AFF1: variants seen among roughly 807,000 people sequenced by gnomAD.
AFF1 encodes AF4/FMR2 family member 1.
Under a neutral mutation model 121.7 loss-of-function variants are expected in AFF1, and 48 were observed. The ratio of observed to expected loss-of-function variants is 0.39; its 90% CI spans 0.31 to 0.50. AFF1 has a LOEUF of 0.50. Ranked by LOEUF, AFF1 falls within the 20% of genes least tolerant of loss-of-function variation. The pLI is 0.76. For synonymous variants in AFF1, 613 were observed against 563.0 expected, an observed-to-expected ratio of 1.09 and a Z score of -1.26; for missense variants, 1,523 against 1,511.7, an observed-to-expected ratio of 1.01 and a Z score of -0.12.
At chr4:87,043,342 A>T (rs1170183178) in intron 2 of AFF1, among the ~76,000 whole-genome samples, 2 of 152,172 alleles carry the variant, frequency 1.3e-5, no homozygotes, top group African/African-American at 4.8e-5. Flanking sequence ...AGGTGCATGC[A>T]CTGGATAGTT....
At chr4:87,032,226 C>T (rs756957755) in intron 2 of AFF1, among the ~76,000 whole-genome samples, 9 of 152,208 alleles carry the variant, frequency 5.9e-5, no homozygotes, top group Non-Finnish European at 1.2e-4. Context: ...TATTTAGAAA[C>T]ATGTAACTGT....
chr4:86,938,641 T>C (rs769626071), intron 1 of AFF1, among the ~76,000 whole-genome samples: 2 of 152,248 alleles, frequency 1.3e-5, no homozygotes, highest in African/African-American at 2.4e-5. Flanking sequence ...ATTTGGATCT[T>C]AGATTTTAAA....
In AFF1 at chr4:86,938,900, C is replaced by T. The variant is rs541833869; in HGVS notation, c.-37+3660C>T. ...GAAGGGAAGAAAATCAGCTGATTTT[C>T]TTAAATTATCTGGCCCATTTTAAAC... On this transcript the variant is annotated intron_variant, in intron 1 of 20. Transcript: ENST00000395146. Among the ~76,000 whole-genome samples the T allele has an allele frequency of 3.9e-5, 6 of 152,286 alleles. No individual in the cohort carries two copies. The South Asian group carries it at 1.0e-3, about 26-fold the overall frequency.
chr4:87,014,797 G>A (rs559423304), intron 2 of AFF1, among the ~76,000 whole-genome samples: 1 of 152,240 alleles, frequency 6.6e-6, no homozygotes, highest in South Asian at 2.1e-4. Context: ...TCCCATTCTG[G>A]TTACTTTAAA....
intron 12 of AFF1, among the ~76,000 whole-genome samples, chr4:87,123,480 T>C (rs775295218): frequency 3.9e-5 from 6 of 152,174 alleles, no homozygotes; most frequent in Non-Finnish European, 7.4e-5. Context: ...CTCCTGTATT[T>C]TCCCTTCTTA....
At chr4:87,074,389 CAT>C (rs1224637324) in intron 4 of AFF1, among the ~76,000 whole-genome samples, 1 of 152,074 alleles carries the variant, frequency 6.6e-6, no homozygotes, top group Non-Finnish European at 1.5e-5. Flanking sequence ...CATGGGGCCT[CAT>C]GTGGTCTTTC....
At chr4:87,061,963 A>C (rs1720832204) in intron 4 of AFF1, among the ~76,000 whole-genome samples, 1 of 152,200 alleles carries the variant, frequency 6.6e-6, no homozygotes, top group Non-Finnish European at 1.5e-5. Context: ...AAGTCTTTAA[A>C]TGTATGATTC....
At chr4:87,120,478 A>C (rs1727572300) in intron 12 of AFF1, among the ~76,000 whole-genome samples, 1 of 152,258 alleles carries the variant, frequency 6.6e-6, no homozygotes, top group African/African-American at 2.4e-5. Context: ...AAAAGGCACT[A>C]ACATGGCTTG....
Position 87,114,575 on chromosome 4 carries a change from CA to C in AFF1, c.1743del (p.Glu583LysfsTer70). 6.3e-7 allele frequency: 1 copy of C among 1,584,232 alleles called. No homozygotes were observed. Among genetic ancestry groups the C allele is most frequent in the Non-Finnish European group, 8.6e-7 (1 of 1,158,066 alleles). On this transcript the variant is annotated frameshift_variant, in exon 12 of 21. Transcript: ENST00000395146. LOFTEE classifies it high-confidence loss of function. ...PKSSSKAPRA[P>X]PEAPHPGKRS... ...AGCTCCAGCAAAGCCCCCCGGGCCC[CA>C]CCCGAAGCCCCCCACCCCGGAAAGA...
intron 2 of AFF1, among the ~76,000 whole-genome samples, chr4:87,038,489 G>A (rs1167983891): frequency 6.6e-6 from 1 of 152,182 alleles, no homozygotes; most frequent in East Asian, 1.9e-4. Context: ...TTAGATGGTA[G>A]GAATAGGGGA....
intron 2 of AFF1, among the ~76,000 whole-genome samples, chr4:87,035,327 C>T (rs572618880): frequency 6.6e-6 from 1 of 152,094 alleles, no homozygotes; most frequent in African/African-American, 2.4e-5. Context: ...TTTGGGAGGC[C>T]GAGGAGGGCA....
chr4:87,085,389 A>G (rs573845088), intron 5 of AFF1, among the ~76,000 whole-genome samples: 8 of 150,518 alleles, frequency 5.3e-5, no homozygotes, highest in African/African-American at 1.9e-4. Context: ...TTCTAGGTCA[A>G]TTTTAATGAT....
intron 6 of AFF1, 103 bp downstream of exon 6, chr4:87,090,173 G>T: frequency 1.1e-6 from 1 of 912,020 alleles, no homozygotes. Flanking sequence ...CAAATCTTTG[G>T]AAATGAGGTT....
At chr4:87,118,817 A>C (rs1196788189) in intron 12 of AFF1, among the ~76,000 whole-genome samples, 1 of 152,240 alleles carries the variant, frequency 6.6e-6, no homozygotes, top group Non-Finnish European at 1.5e-5. Flanking sequence ...GACAAAATGC[A>C]CAAAAAACCA....
At chr4:86,937,698 C>T (rs1720124561) in intron 1 of AFF1, among the ~76,000 whole-genome samples, 1 of 150,454 alleles carries the variant, frequency 6.6e-6, no homozygotes, top group South Asian at 2.1e-4. Flanking sequence ...CCTCCCTCCT[C>T]AGCCTCCCAA....
chr4:86,969,251 G>A (rs963447885), intron 2 of AFF1, among the ~76,000 whole-genome samples: 2 of 152,060 alleles, frequency 1.3e-5, no homozygotes, highest in African/African-American at 4.8e-5. Context: ...GGCTGAGGCA[G>A]GCGGATCATG....
At chr4:87,020,662 T>C (rs2149557313) in intron 2 of AFF1, 1 of 363,232 alleles carries the variant, frequency 2.8e-6, no homozygotes, top group African/African-American at 2.2e-5. Context: ...TTTTTTGTAT[T>C]TTTAGTGGAG....
chr4:87,045,943 G>C (rs1396237708), intron 2 of AFF1, among the ~76,000 whole-genome samples: 2 of 152,134 alleles, frequency 1.3e-5, no homozygotes, highest in Non-Finnish European at 2.9e-5. Context: ...GTGAATGCTT[G>C]GGTTTTGGGA....
At chr4:87,070,620 T>C (rs1184433026) in intron 4 of AFF1, among the ~76,000 whole-genome samples, 1 of 152,276 alleles carries the variant, frequency 6.6e-6, no homozygotes, top group Non-Finnish European at 1.5e-5. Context: ...CAAGATGTTA[T>C]TTGTTGTTTC....
Sources: allele counts gnomAD v4.1 joint callset (sites outside exome capture counted in the v4.1 genomes callset), GRCh38; gene constraint gnomAD v4.1.1; transcripts MANE v1.5; gene names NCBI Gene and HGNC (gene_info 2026-07-23, HGNC 2026-07-21).